The following OXR1 variants were observed in gnomAD, a reference collection of about 807,000 sequenced individuals.
OXR1 encodes oxidation resistance 1.
Under a neutral mutation model 104.6 loss-of-function variants are expected in OXR1, and 41 were observed. That is an observed-to-expected ratio of 0.39 (90% CI 0.31 to 0.51). The LOEUF is 0.51. Ranked by LOEUF, OXR1 falls within the 20% of genes least tolerant of loss-of-function variation. The pLI, the probability that OXR1 is intolerant of heterozygous loss-of-function variation, is 0.77. For missense variants in OXR1, 955 were observed against 1,031.9 expected (o/e 0.93, Z 1.02); for synonymous variants, 348 against 348.4 (o/e 1.00, Z 0.01).
chr8:106,692,791 C>T lies in OXR1; in HGVS notation c.589C>T (p.Arg197Ter). The T allele has an allele frequency of 2.5e-6, 4 of 1,600,828 alleles. No individual in the cohort carries two copies. The highest frequency in any genetic ancestry group is 3.4e-6 in the Non-Finnish European group (4 of 1,170,776). The change falls in exon 7 of 17, where the codon CGA becomes TGA. Residue 197 changes from arginine (R) to a stop codon, truncating the protein, a stop_gained. Transcript: ENST00000517566. LOFTEE classifies it high-confidence loss of function. ...TACTTTCACTGGTATTCGACCTGCA[C>T]GAGTTGTATCTTCAACTTCTGAGGA... ...SSTFTGIRPA[R>*]VVSSTSEEEE...
At chr8:106,486,786 T>G (rs1257092503) in intron 2 of OXR1, among the ~76,000 whole-genome samples, 1 of 152,076 alleles carries the variant, frequency 6.6e-6, no homozygotes, top group African/African-American at 2.4e-5. Context: ...GTAAAATTTG[T>G]GGGTTTCCAG....
Position 106,520,859 on chromosome 8 carries a change from A to T in OXR1, c.220+1720A>T, listed in dbSNP as rs532718974. ...ATCCTACAAACTCAATGTTCCTTAA[A>T]AATTAGAAAAAAAGGGAGAGATACT... On this transcript the variant is annotated intron_variant, in intron 3 of 16. Coordinates refer to ENST00000517566, the MANE Select transcript of OXR1 (RefSeq NM_001198533.2). Among the ~76,000 whole-genome samples the T allele has an allele frequency of 1.3e-4, 20 of 152,334 alleles. No individual in the cohort carries two copies. In the East Asian group the frequency reaches 3.7e-3, roughly 28 times the overall value.
chr8:106,407,104 T>C (rs889356502), intron 2 of OXR1, among the ~76,000 whole-genome samples: 3 of 152,210 alleles, frequency 2.0e-5, no homozygotes, highest in Non-Finnish European at 4.4e-5. Context: ...GACTATGGAT[T>C]ATGTATTAAA....
chr8:106,715,603 G>A (rs1832161893), intron 11 of OXR1, among the ~76,000 whole-genome samples: 1 of 151,836 alleles, frequency 6.6e-6, no homozygotes, highest in African/African-American at 2.4e-5. Flanking sequence ...TAGAAGAAAA[G>A]GTATTAGCTA....
chr8:106,679,051 T>C (rs1827885413), intron 3 of OXR1, among the ~76,000 whole-genome samples, 159 bp from the exon 4 acceptor site: 1 of 151,918 alleles, frequency 6.6e-6, no homozygotes, highest in Non-Finnish European at 1.5e-5. Flanking sequence ...TTCAGTTCCT[T>C]TTTTTTGACA....
At chr8:106,388,186 A>C (rs892623208) in intron 2 of OXR1, among the ~76,000 whole-genome samples, 15 of 152,198 alleles carry the variant, frequency 9.9e-5, no homozygotes, top group African/African-American at 3.4e-4. Flanking sequence ...TAGGTGTTTC[A>C]CTTTAAGAGG....
intron 1 of OXR1, among the ~76,000 whole-genome samples, chr8:106,301,054 T>G (rs541856602): frequency 2.0e-5 from 3 of 152,276 alleles, no homozygotes; most frequent in African/African-American, 7.2e-5. Context: ...AAAATGTAAG[T>G]GATAAAACGC....
intron 3 of OXR1, among the ~76,000 whole-genome samples, chr8:106,552,297 G>A (rs528859921): frequency 6.6e-6 from 1 of 152,036 alleles, no homozygotes; most frequent in South Asian, 2.1e-4. Context: ...TTGCAGCTGA[G>A]ATGAGAAACC....
In OXR1 at chr8:106,589,932, G is replaced by T. The variant is rs1818947094; in HGVS notation, c.220+70793G>T. On this transcript the variant is annotated intron_variant, in intron 3 of 16. Transcript: ENST00000517566. ...CCCGCCCACCTCAGCCTCCCAAAGTGTTGGGATTACAGGTATGAACCACCA... is the reference window on the plus strand; with the variant it reads ...CCCGCCCACCTCAGCCTCCCAAAGTTTTGGGATTACAGGTATGAACCACCA... Among the ~76,000 whole-genome samples, 3 of 152,150 alleles carry T rather than the reference G, an allele frequency of 2.0e-5. No individual in the cohort carries two copies. In the South Asian group the frequency reaches 6.2e-4, roughly 32 times the overall value.
intron 11 of OXR1, among the ~76,000 whole-genome samples, chr8:106,728,297 A>G (rs1833543229): frequency 6.6e-6 from 1 of 151,116 alleles, no homozygotes; most frequent in Admixed American, 6.6e-5. Context: ...TTTGGAGTTT[A>G]TAATGTGTAG....
rs1831191189 is a variant in OXR1 at position 106,706,875 on chromosome 8, T to C, written c.1354T>C (p.Phe452Leu). The C allele has an allele frequency of 6.2e-7, 1 of 1,611,444 alleles. No individual in the cohort carries two copies. The highest frequency in any genetic ancestry group is 1.3e-5 in the African/African-American group (1 of 74,594). ...SIKGNSDQDS[F>L]LHENSLHQEE... The stretch of plus-strand genomic sequence containing the variant: ...AAAAGGTAATTCAGACCAGGATTCT[T>C]TTCTTCATGAGAATTCGTTACACCA... Residue 452 changes from phenylalanine to leucine, a missense_variant, in exon 9 of 17, where the codon TTT becomes CTT. By Grantham distance (22) the Phe-to-Leu change is conservative. This residue lies in a region of OXR1 where 849 missense variants were observed against 852.9 expected (regional missense o/e 1.00). Coordinates refer to ENST00000517566, the MANE Select transcript of OXR1 (RefSeq NM_001198533.2).
At chr8:106,581,058 C>T in intron 3 of OXR1, 2 of 1,165,924 alleles carry the variant, frequency 1.7e-6, no homozygotes, top group Non-Finnish European at 2.1e-6. Context: ...GTGTAGACTT[C>T]TCACTTCAAT....
chr8:106,516,397 C>G (rs1022793207), intron 2 of OXR1, among the ~76,000 whole-genome samples: 11 of 152,126 alleles, frequency 7.2e-5, no homozygotes, highest in Admixed American at 4.6e-4. Flanking sequence ...AATAAGGGCT[C>G]TAGGACTACA....
intron 3 of OXR1, among the ~76,000 whole-genome samples, chr8:106,593,594 C>A (rs987314921): frequency 2.0e-5 from 3 of 151,286 alleles, no homozygotes; most frequent in Non-Finnish European, 2.9e-5. Flanking sequence ...CTGGCTAACA[C>A]GGTGAAACCC....
At chr8:106,617,934 C>T (rs1423294873) in intron 3 of OXR1, 1 of 793,856 alleles carries the variant, frequency 1.3e-6, no homozygotes, top group Non-Finnish European at 1.5e-6. Context: ...GAGCCAAGAG[C>T]AAGTCCACAG....
intron 5 of OXR1, among the ~76,000 whole-genome samples, chr8:106,683,690 TTTG>T (rs1017602870): frequency 7.9e-5 from 12 of 152,176 alleles, no homozygotes; most frequent in African/African-American, 1.7e-4. Flanking sequence ...CTAGCCTACT[TTTG>T]TTGTTGTTGT....
intron 3 of OXR1, among the ~76,000 whole-genome samples, chr8:106,522,274 T>TA (rs1489832688): frequency 6.6e-6 from 1 of 152,200 alleles, no homozygotes; most frequent in Non-Finnish European, 1.5e-5. Context: ...AAGTTCCTGA[T>TA]ATAAAATGGC....
At chr8:106,693,424 C>CTTTTTTTT (rs11384137) in intron 7 of OXR1, among the ~76,000 whole-genome samples, 1 of 97,554 alleles carries the variant, frequency 1.0e-5, no homozygotes, top group Non-Finnish European at 2.0e-5. Flanking sequence ...TAGTCAGAAT[C>CTTTTTTTT]TTTTTTTTTT....
At chr8:106,287,247 A>G (rs532713394) in intron 1 of OXR1, among the ~76,000 whole-genome samples, 4 of 152,178 alleles carry the variant, frequency 2.6e-5, no homozygotes, top group African/African-American at 9.6e-5. Context: ...ATAAATTAGG[A>G]TTGTTCATGG....
Sources: allele counts gnomAD v4.1 joint callset (sites outside exome capture counted in the v4.1 genomes callset), GRCh38; gene constraint gnomAD v4.1.1; regional missense constraint gnomAD v4.1.1; transcripts MANE v1.5; gene names NCBI Gene and HGNC (gene_info 2026-07-23, HGNC 2026-07-21).